Variants in CFAP20 observed in about 807,000 individuals in gnomAD.
CFAP20 encodes the protein cilia and flagella associated protein 20, also known as cilia- and flagella-associated protein 20.
Under a neutral mutation model 25.5 loss-of-function variants are expected in CFAP20, and 14 were observed. The observed-to-expected ratio is 0.55, with a 90% CI of 0.36 to 0.86. The LOEUF (loss-of-function observed/expected upper bound fraction) is 0.86. Ranked by LOEUF, CFAP20 falls within the 40% of genes least tolerant of loss-of-function variation. The pLI, the probability that CFAP20 is intolerant of heterozygous loss-of-function variation, is 0.01. For missense variants in CFAP20, 181 were observed against 248.0 expected (o/e 0.73, Z 1.81); for synonymous variants, 75 against 91.1 (o/e 0.82, Z 1.01).
chr16:58,114,870 G>A lies in CFAP20; in HGVS notation c.516C>T (p.Tyr172=). 6.2e-7 allele frequency: 1 copy of A among 1,614,148 alleles called. No homozygotes were observed. The highest frequency in any genetic ancestry group is 8.5e-7 in the Non-Finnish European group (1 of 1,180,006). The stretch of plus-strand genomic sequence containing the variant: ...ACTCTGCCGGCAGCTCATCTTCTGA[G>A]TAGAGTCTGTCTGAGAAGTAAACCC... ...IRRVYFSDRL[Y]SEDELPAEFK... The change falls in exon 5 of 6, where the codon TAC becomes TAT. Residue 172 remains tyrosine (Y), a synonymous_variant. Coordinates refer to ENST00000262498, the MANE Select transcript of CFAP20 (RefSeq NM_013242.3).
intron 3 of CFAP20, chr16:58,115,659 C>T (rs1475369064): frequency 4.9e-6 from 3 of 617,332 alleles, no homozygotes; most frequent in African/African-American, 1.8e-5. Flanking sequence ...GCCAAGACAA[C>T]ACCAGCTGCT....
At chr16:58,121,496 G>C (rs1357015718) in intron 1 of CFAP20, among the ~76,000 whole-genome samples, 1 of 152,108 alleles carries the variant, frequency 6.6e-6, no homozygotes, top group Non-Finnish European at 1.5e-5. Flanking sequence ...TGTGGCCTAT[G>C]AGTGCTTTAT....
chr16:58,122,731 C>T (rs556318738), intron 1 of CFAP20, among the ~76,000 whole-genome samples: 45 of 152,296 alleles, frequency 3.0e-4, no homozygotes, highest in Admixed American at 1.6e-3. Flanking sequence ...CTGAAAACAG[C>T]ACCAATTTAA....
In CFAP20 at chr16:58,121,598, C is replaced by G. The variant is rs1291524534; in HGVS notation, c.85-4647G>C. Among the ~76,000 whole-genome samples the G allele has an allele frequency of 2.6e-5, 4 of 152,176 alleles. No individual in the cohort carries two copies. In the South Asian group the frequency reaches 6.2e-4, roughly 24 times the overall value. Reference sequence around the variant, plus strand: ...CTCCCCTGCCCATGAGCTGGAGATACTCAAAGAGCTTCAGAATCCAGTTAC... The same window carrying G: ...CTCCCCTGCCCATGAGCTGGAGATAGTCAAAGAGCTTCAGAATCCAGTTAC... On this transcript the variant is annotated intron_variant, in intron 1 of 5. Coordinates refer to ENST00000262498, the MANE Select transcript of CFAP20 (RefSeq NM_013242.3).
chr16:58,127,310 C>A (rs984157126), intron 1 of CFAP20, among the ~76,000 whole-genome samples: 7 of 152,198 alleles, frequency 4.6e-5, no homozygotes, highest in Admixed American at 6.5e-5. Context: ...TCTGAGGCCT[C>A]CCTACTACTG....
chr16:58,128,375 A>G (rs573705387), intron 1 of CFAP20, among the ~76,000 whole-genome samples: 1 of 152,374 alleles, frequency 6.6e-6, no homozygotes, highest in East Asian at 1.9e-4. Context: ...CACCGAGGGC[A>G]TAGTACAGGC....
At position 58,113,882 on chromosome 16, in the gene CFAP20, C is replaced by T. The variant is rs2142363330; in HGVS notation, c.*143G>A. On this transcript the variant is annotated 3_prime_UTR_variant, in exon 6 of 6. Transcript: ENST00000262498. ...GAGTTACGGCATGTTCACCGGTGTCCATGACAAGCAACACCAAGTATAAAT... is the reference window on the plus strand; with the variant it reads ...GAGTTACGGCATGTTCACCGGTGTCTATGACAAGCAACACCAAGTATAAAT... 1 of 958,668 alleles carries T rather than the reference C, an allele frequency of 1.0e-6. No individual in the cohort carries two copies. Among genetic ancestry groups the T allele is most frequent in the African/African-American group, 1.6e-5 (1 of 61,862 alleles). 59.4% of individuals were successfully genotyped at this position (958,668 alleles called of 1,614,324 possible). A position where few individuals can be genotyped will look rare whatever the true frequency, so the allele number is the denominator to read the frequency against.
intron 1 of CFAP20, among the ~76,000 whole-genome samples, chr16:58,126,136 T>A (rs1424024745): frequency 6.6e-6 from 1 of 152,184 alleles, no homozygotes; most frequent in South Asian, 2.1e-4. Flanking sequence ...ATCCAAGGTG[T>A]CTGACCACGC....
In CFAP20 at chr16:58,129,192, G is replaced by C. The variant is rs3743574; in HGVS notation, c.-77C>G. ...AGTAGATACAGGCACCGAGCGTCGA[G>C]GGCACAGCAGCAGGCCGGCCCTGTT... On this transcript the variant is annotated 5_prime_UTR_variant, in exon 1 of 6. Coordinates refer to ENST00000262498, the MANE Select transcript of CFAP20 (RefSeq NM_013242.3). The C allele has an allele frequency of 1.0e-5, 15 of 1,498,652 alleles. No homozygotes were observed. Among genetic ancestry groups the C allele is most frequent in the Admixed American group, 1.8e-5 (1 of 55,890 alleles). The allele number at this position is 1,498,652 out of a possible 1,614,324, so 92.8% of individuals were successfully genotyped here. A position where few individuals can be genotyped will look rare whatever the true frequency, so the allele number is the denominator to read the frequency against.
Position 58,115,350 on chromosome 16 carries a change from G to C in CFAP20, c.384C>G (p.Gly128=). The change falls in exon 4 of 6, where the codon GGC becomes GGG. Residue 128 remains glycine (G), a synonymous_variant. Coordinates refer to ENST00000262498, the MANE Select transcript of CFAP20 (RefSeq NM_013242.3). ...GCAAGTTGAACTGAATCTGGTTCCA[G>C]CCGTCATCCAGCCGCATGGGCATGG... ...ICTMPMRLDD[G]WNQIQFNLLD... is the part of the protein sequence containing the mutation. 6.2e-7 allele frequency: 1 copy of C among 1,614,262 alleles called. No individual in the cohort carries two copies. The highest frequency in any genetic ancestry group is 8.5e-7 in the Non-Finnish European group (1 of 1,180,052).
At chr16:58,124,004 T>TGGTGAGGGGC (rs890089372) in intron 1 of CFAP20, among the ~76,000 whole-genome samples, 16 of 151,480 alleles carry the variant, frequency 1.1e-4, no homozygotes, top group Non-Finnish European at 1.9e-4. Flanking sequence ...GCTTGTGGGG[T>TGGTGAGGGGC]GGTGAGGGGC....
chr16:58,118,186 A>G (rs1960484717), intron 1 of CFAP20, among the ~76,000 whole-genome samples: 1 of 152,252 alleles, frequency 6.6e-6, no homozygotes, highest in African/African-American at 2.4e-5. Context: ...GGCACTTTCA[A>G]AACAGGGCTG....
At chr16:58,128,606 G>C (rs1960654733) in intron 1 of CFAP20, among the ~76,000 whole-genome samples, 1 of 152,300 alleles carries the variant, frequency 6.6e-6, no homozygotes, top group Non-Finnish European at 1.5e-5. Context: ...TTTGGAATTC[G>C]TGAATAGCAG....
In CFAP20 at chr16:58,114,137, T is replaced by C; in HGVS notation, c.577-107A>G. The stretch of plus-strand genomic sequence containing the variant: ...GTGACACTTGAGTGGACAGTGACTG[T>C]GGAGAATGGACACACATCTGCAGCA... On this transcript the variant is annotated intron_variant, in intron 5 of 5. Transcript: ENST00000262498. The C allele has an allele frequency of 5.0e-6, 6 of 1,196,416 alleles. No individual in the cohort carries two copies. The South Asian group carries it at 7.3e-5, about 15-fold the overall frequency. 74.1% of individuals were successfully genotyped at this position (1,196,416 alleles called of 1,614,324 possible).
intron 1 of CFAP20, among the ~76,000 whole-genome samples, chr16:58,118,801 G>A (rs925222540): frequency 1.3e-5 from 2 of 152,174 alleles, no homozygotes; most frequent in Non-Finnish European, 2.9e-5. Context: ...AAGCCTGGGC[G>A]ACAGAGTGAG....
chr16:58,122,998 A>G (rs1432092505), intron 1 of CFAP20, among the ~76,000 whole-genome samples: 2 of 151,962 alleles, frequency 1.3e-5, no homozygotes, highest in Non-Finnish European at 2.9e-5. Flanking sequence ...TTAGGATACT[A>G]TCTTGTTTTT....
intron 1 of CFAP20, among the ~76,000 whole-genome samples, chr16:58,120,564 C>T (rs958787268): frequency 6.6e-6 from 1 of 152,190 alleles, no homozygotes; most frequent in Non-Finnish European, 1.5e-5. Context: ...AAAACAAAGC[C>T]GTACAATGCA....
intron 1 of CFAP20, among the ~76,000 whole-genome samples, chr16:58,125,884 C>A (rs926916002): frequency 3.9e-5 from 6 of 152,212 alleles, no homozygotes; most frequent in African/African-American, 1.4e-4. Flanking sequence ...TATTATGTCA[C>A]TAAGCGACAG....
chr16:58,116,209 T>C (rs1046402380), intron 2 of CFAP20, 57 bp from the exon 3 acceptor site: 1 of 1,279,910 alleles, frequency 7.8e-7, no homozygotes, highest in Non-Finnish European at 1.1e-6. Flanking sequence ...CTTTGTGGTA[T>C]GCACAACAAT....
Sources: gnomAD v4.1 joint callset for allele counts (sites outside exome capture counted in the v4.1 genomes callset) on GRCh38, gnomAD v4.1.1 for gene constraint, MANE v1.5 for transcripts, NCBI Gene and HGNC (gene_info 2026-07-23, HGNC 2026-07-21) for gene names.